FRMD5: variants seen among roughly 807,000 people sequenced by gnomAD.
FRMD5 encodes FERM domain-containing protein 5.
FRMD5 carries 20 observed loss-of-function variants against 69.0 expected under a neutral mutation model. The observed-to-expected ratio is 0.29, with a 90% confidence interval of 0.20 to 0.42. The LOEUF (loss-of-function observed/expected upper bound fraction) is 0.42, where lower values mean the gene tolerates loss of function less well. FRMD5 is among the 10% of genes least tolerant of loss of function. FRMD5 has a pLI of 1.00. For synonymous variants in FRMD5, 271 were observed against 260.1 expected (o/e 1.04, Z -0.40); for missense variants, 595 against 708.6 (o/e 0.84, Z 1.82).
At chr15:44,192,762 G>A (rs979696991) in intron 1 of FRMD5, among the ~76,000 whole-genome samples, 4 of 152,162 alleles carry the variant, frequency 2.6e-5, no homozygotes, top group African/African-American at 9.7e-5. Context: ...CCAAAGTGAT[G>A]CCAAAGAATG....
rs1454520292 is a variant in FRMD5 at position 44,155,598 on chromosome 15, T to C, written c.102+39355A>G. 2.6e-5 allele frequency among the ~76,000 whole-genome samples: 4 copies of C among 151,982 alleles called. No individual in the cohort carries two copies. In the East Asian group the frequency reaches 5.8e-4, roughly 22 times the overall value. On this transcript the variant is annotated intron_variant, in intron 1 of 13. Coordinates refer to ENST00000417257, the MANE Select transcript of FRMD5 (RefSeq NM_032892.5). ...AATTTAATTCCTCCCCAAATATATATATACATTTTTTGCGAGACAAAGTCT... is the reference window on the plus strand; with the variant it reads ...AATTTAATTCCTCCCCAAATATATACATACATTTTTTGCGAGACAAAGTCT...
chr15:43,916,350 G>C (rs1276535847), intron 4 of FRMD5, among the ~76,000 whole-genome samples: 1 of 152,220 alleles, frequency 6.6e-6, no homozygotes, highest in Admixed American at 6.5e-5. Context: ...GGGGACAGAG[G>C]AGGAGTGGAG....
intron 1 of FRMD5, among the ~76,000 whole-genome samples, chr15:44,167,367 GTC>G (rs1440004013): frequency 6.6e-6 from 1 of 151,030 alleles, no homozygotes; most frequent in Admixed American, 6.6e-5. Flanking sequence ...GACCCTGCCT[GTC>G]TCAAAAAAAA....
chr15:44,017,397 A>G (rs1396446356), intron 1 of FRMD5, among the ~76,000 whole-genome samples: 2 of 151,728 alleles, frequency 1.3e-5, no homozygotes, highest in African/African-American at 4.8e-5. Flanking sequence ...AATTTTTGAG[A>G]TCAAATGAGA....
rs761631750 is a variant in FRMD5, at chr15:43,871,361, G to A, written c.*2524C>T. 3.3e-5 allele frequency: 5 copies of A among 152,226 alleles called. No homozygotes were observed. The highest frequency in any genetic ancestry group is 2.0e-4 in the Admixed American group (3 of 15,282). 9.4% of individuals were successfully genotyped at this position (152,226 alleles called of 1,614,324 possible). On this transcript the variant is annotated 3_prime_UTR_variant, in exon 14 of 14. Transcript: ENST00000417257. ...AGACACAAGGAACATACTAGGATATGGAATACTGCATCTGTCTCTAATGTG... is the reference window on the plus strand; with the variant it reads ...AGACACAAGGAACATACTAGGATATAGAATACTGCATCTGTCTCTAATGTG...
At chr15:44,085,056 C>T (rs1357165071) in intron 1 of FRMD5, among the ~76,000 whole-genome samples, 1 of 152,136 alleles carries the variant, frequency 6.6e-6, no homozygotes, top group African/African-American at 2.4e-5. Flanking sequence ...AAATGTTCCC[C>T]TACGTACAAA....
In FRMD5 at chr15:43,873,337, G is replaced by C; in HGVS notation, c.*548C>G. On this transcript the variant is annotated 3_prime_UTR_variant, in exon 14 of 14. Coordinates refer to ENST00000417257, the MANE Select transcript of FRMD5 (RefSeq NM_032892.5). ...GTTTACTTTTTTAAAAGTTCTGGCT[G>C]GCAAAAAAAACAAACAAAAAACTAA... 6.7e-7 allele frequency: 1 copy of C among 1,483,890 alleles called. No homozygotes were observed. Among genetic ancestry groups the C allele is most frequent in the Non-Finnish European group, 8.9e-7 (1 of 1,124,542 alleles). The allele number at this position is 1,483,890 out of a possible 1,614,324, so 91.9% of individuals were successfully genotyped here. A position where few individuals can be genotyped will look rare whatever the true frequency, so the allele number is the denominator to read the frequency against.
Position 44,072,675 on chromosome 15 carries a change from A to C in FRMD5, c.102+122278T>G, listed in dbSNP as rs560711643. Among the ~76,000 whole-genome samples the C allele has an allele frequency of 6.6e-5, 10 of 152,326 alleles. No individual in the cohort carries two copies. In the South Asian group the frequency reaches 2.1e-3, roughly 32 times the overall value. ...TTTATGTCATACTAATATTCATATG[A>C]AGACTGTGCTCAGATTGAAAGAAAC... On this transcript the variant is annotated intron_variant, in intron 1 of 13. Coordinates refer to ENST00000417257, the MANE Select transcript of FRMD5 (RefSeq NM_032892.5).
chr15:44,090,747 T>C (rs952035225), intron 1 of FRMD5, among the ~76,000 whole-genome samples: 7 of 152,198 alleles, frequency 4.6e-5, no homozygotes, highest in Non-Finnish European at 1.0e-4. Flanking sequence ...GGCGAATAAC[T>C]GCAATTTTCT....
intron 1 of FRMD5, among the ~76,000 whole-genome samples, chr15:44,138,151 A>G (rs2077214888): frequency 6.6e-6 from 1 of 152,316 alleles, no homozygotes; most frequent in Non-Finnish European, 1.5e-5. Context: ...TTCCAAATAC[A>G]TGAAAAAAAT....
Position 43,873,941 on chromosome 15 carries a change from T to C in FRMD5, c.1657A>G (p.Arg553Gly). ...CGGATTTTGCAGGCAAACCATCGCC[T>C]GAGGGGACAAAAGTATTGATAGTGG... is the stretch of plus-strand genomic sequence containing the variant. ...QFHYQYFCPL[R>G]RWFACKIRSV... Residue 553 changes from arginine (R) to glycine (G), a missense_variant, in exon 14 of 14, where the codon AGG (arginine) becomes GGG (glycine). By Grantham distance (125) the Arg-to-Gly change is moderately radical. Coordinates refer to ENST00000417257, the MANE Select transcript of FRMD5 (RefSeq NM_032892.5). 1 of 1,614,136 alleles carries C rather than the reference T, an allele frequency of 6.2e-7. No individual in the cohort carries two copies. The highest frequency in any genetic ancestry group is 8.5e-7 in the Non-Finnish European group (1 of 1,180,016).
chr15:44,028,209 T>C (rs957982154), intron 1 of FRMD5, among the ~76,000 whole-genome samples: 4 of 152,176 alleles, frequency 2.6e-5, no homozygotes, highest in African/African-American at 7.2e-5. Flanking sequence ...TTTCTCCCTT[T>C]TCTATATCAA....
intron 1 of FRMD5, among the ~76,000 whole-genome samples, chr15:44,058,263 A>G (rs1157842898): frequency 6.6e-6 from 1 of 152,228 alleles, no homozygotes; most frequent in Non-Finnish European, 1.5e-5. Flanking sequence ...CATGGTAGGT[A>G]TAATTATGTT....
chr15:43,929,347 C>T (rs1465502891), intron 1 of FRMD5, among the ~76,000 whole-genome samples: 1 of 152,158 alleles, frequency 6.6e-6, no homozygotes, highest in African/African-American at 2.4e-5. Flanking sequence ...TGAGGTTAAT[C>T]CCAGGCTCTC....
intron 1 of FRMD5, among the ~76,000 whole-genome samples, chr15:43,931,155 C>T (rs1029414779): frequency 2.0e-5 from 3 of 152,230 alleles, no homozygotes; most frequent in African/African-American, 7.2e-5. Flanking sequence ...TCTTTCTTAT[C>T]TTTGGAGAAG....
chr15:43,960,516 T>A (rs2090181773), intron 1 of FRMD5, among the ~76,000 whole-genome samples: 1 of 152,184 alleles, frequency 6.6e-6, no homozygotes, highest in South Asian at 2.1e-4. Flanking sequence ...CCCAAAGTGC[T>A]GGGATTACAG....
chr15:44,149,515 T>G (rs757967481), intron 1 of FRMD5, among the ~76,000 whole-genome samples: 1 of 152,134 alleles, frequency 6.6e-6, no homozygotes, highest in Non-Finnish European at 1.5e-5. Flanking sequence ...CTATATGCTA[T>G]CTATAGAAGA....
intron 1 of FRMD5, chr15:44,063,892 G>A (rs1000359508): frequency 3.0e-5 from 8 of 268,332 alleles, no homozygotes; most frequent in African/African-American, 6.9e-5. Flanking sequence ...CTCTGTCGAC[G>A]TCCCCATGTT....
chr15:43,884,878 C>T, intron 11 of FRMD5, 83 bp from the exon 12 acceptor site: 2 of 1,232,378 alleles, frequency 1.6e-6, no homozygotes, highest in East Asian at 2.3e-5. Flanking sequence ...TAGGTGCTTT[C>T]CCTGAATCAG....
Sources: gnomAD v4.1 joint callset for allele counts (sites outside exome capture counted in the v4.1 genomes callset) on GRCh38, gnomAD v4.1.1 for gene constraint, MANE v1.5 for transcripts, NCBI Gene and HGNC (gene_info 2026-07-23, HGNC 2026-07-21) for gene names.